Variants in AAK1 observed in about 807,000 individuals in gnomAD.
AAK1 encodes AP2-associated protein kinase 1.
Under a neutral mutation model 116.0 loss-of-function variants are expected in AAK1, and 37 were observed. The observed-to-expected ratio is 0.32, with a 90% CI of 0.25 to 0.42. The LOEUF (loss-of-function observed/expected upper bound fraction) is 0.42. Ranked by LOEUF, AAK1 falls within the 10% of genes least tolerant of loss-of-function variation. AAK1 has a pLI of 1.00. For missense variants in AAK1, 919 were observed against 1,170.6 expected, an observed-to-expected ratio of 0.79 and a Z score of 3.14; for synonymous variants, 458 against 439.9, an observed-to-expected ratio of 1.04 and a Z score of -0.51.
chr2:69,632,978 A>G (rs1281525304), intron 2 of AAK1, among the ~76,000 whole-genome samples: 3 of 152,048 alleles, frequency 2.0e-5, no homozygotes, highest in African/African-American at 4.8e-5. Context: ...GCTCGCAGTG[A>G]GCCAAGATCA....
Position 69,468,399 on chromosome 2 carries a change from ACTC to A in AAK1, c.*7467_*7469del, listed in dbSNP as rs1023303168. On this transcript the variant is annotated 3_prime_UTR_variant, in exon 22 of 22. Transcript: ENST00000409085. The stretch of plus-strand genomic sequence containing the variant: ...TAAAGAAGGACAAGAGGGCCCTAAA[ACTC>A]CTTGAACCACCTTCCTCACATAGTA... The A allele has an allele frequency of 2.0e-6, 2 of 985,202 alleles. No homozygotes were observed. The highest frequency in any genetic ancestry group is 4.7e-5 in the South Asian group (1 of 21,276). The allele number at this position is 985,202 out of a possible 1,614,324, so 61.0% of individuals were successfully genotyped here. A position where few individuals can be genotyped will look rare whatever the true frequency, so the allele number is the denominator to read the frequency against.
At chr2:69,510,556 T>G (rs1378918929) in intron 13 of AAK1, among the ~76,000 whole-genome samples, 1 of 152,250 alleles carries the variant, frequency 6.6e-6, no homozygotes, top group African/African-American at 2.4e-5. Flanking sequence ...TTCCTTTGAG[T>G]ATACACCCAG....
chr2:69,558,550 C>T (rs893804636), intron 2 of AAK1, among the ~76,000 whole-genome samples: 30 of 152,144 alleles, frequency 2.0e-4, no homozygotes, highest in African/African-American at 7.2e-4. Flanking sequence ...AGCAGTTACA[C>T]TGGACGCTCA....
At chr2:69,642,478 C>T (rs1160580559) in intron 2 of AAK1, among the ~76,000 whole-genome samples, 2 of 151,906 alleles carry the variant, frequency 1.3e-5, no homozygotes, top group African/African-American at 4.8e-5. Flanking sequence ...AGGAGAAACC[C>T]CTCTCTTCTT....
intron 15 of AAK1, 27 bp from the exon 16 acceptor site, chr2:69,505,700 C>A: frequency 1.3e-6 from 2 of 1,584,274 alleles, no homozygotes; most frequent in South Asian, 2.2e-5. Flanking sequence ...CCACTCAGTT[C>A]ATTCTAGCAG....
intron 13 of AAK1, among the ~76,000 whole-genome samples, chr2:69,511,420 AG>A (rs1676391005): frequency 1.3e-5 from 2 of 152,236 alleles, no homozygotes; most frequent in African/African-American, 2.4e-5. Flanking sequence ...AGAGGTTAGA[AG>A]GGTAACAAAG....
intron 13 of AAK1, among the ~76,000 whole-genome samples, chr2:69,513,144 C>A (rs1049200083): frequency 2.0e-5 from 3 of 152,166 alleles, no homozygotes; most frequent in African/African-American, 7.2e-5. Flanking sequence ...ACTGTCTACT[C>A]CATGCCTGCA....
chr2:69,511,265 G>C (rs1485769359), intron 13 of AAK1, among the ~76,000 whole-genome samples: 1 of 152,214 alleles, frequency 6.6e-6, no homozygotes, highest in African/African-American at 2.4e-5. Flanking sequence ...CCTGGGTCAG[G>C]ATGCTTCTAG....
intron 2 of AAK1, among the ~76,000 whole-genome samples, chr2:69,587,026 C>A (rs1266361635): frequency 6.6e-6 from 1 of 152,072 alleles, no homozygotes; most frequent in Non-Finnish European, 1.5e-5. Flanking sequence ...TGCCTTTCTG[C>A]CCAAATCAGC....
chr2:69,528,023 G>A (rs1261934488), intron 8 of AAK1, among the ~76,000 whole-genome samples: 1 of 152,248 alleles, frequency 6.6e-6, no homozygotes, highest in Non-Finnish European at 1.5e-5. Context: ...CAGTGAGGGT[G>A]CAGCCTTGTG....
At chr2:69,637,736 G>C (rs1274364418) in intron 2 of AAK1, among the ~76,000 whole-genome samples, 1 of 152,126 alleles carries the variant, frequency 6.6e-6, no homozygotes, top group Non-Finnish European at 1.5e-5. Flanking sequence ...TTCAAATATT[G>C]CAAGTTAAAA....
chr2:69,546,744 T>C (rs1206373886), intron 3 of AAK1, among the ~76,000 whole-genome samples: 2 of 152,118 alleles, frequency 1.3e-5, no homozygotes, highest in Non-Finnish European at 2.9e-5. Flanking sequence ...AGGTGGGGCC[T>C]TTAGGAGGTG....
At chr2:69,559,313 A>G (rs1671534874) in intron 2 of AAK1, among the ~76,000 whole-genome samples, 1 of 150,030 alleles carries the variant, frequency 6.7e-6, no homozygotes, top group Non-Finnish European at 1.5e-5. Context: ...CTCTCTCCTC[A>G]ATTCTAAAAT....
intron 2 of AAK1, among the ~76,000 whole-genome samples, chr2:69,558,116 G>A (rs1002845754): frequency 1.3e-5 from 2 of 152,142 alleles, no homozygotes; most frequent in Admixed American, 6.5e-5. Context: ...GCTGAAGCAG[G>A]CAGATCGCTT....
intron 14 of AAK1, among the ~76,000 whole-genome samples, chr2:69,508,281 C>T (rs998058246): frequency 6.6e-6 from 1 of 152,120 alleles, no homozygotes; most frequent in Non-Finnish European, 1.5e-5. Flanking sequence ...ATTTAGGCTG[C>T]CTCTCATCTC....
chr2:69,555,211 A>C (rs148949749), intron 3 of AAK1, among the ~76,000 whole-genome samples: 1 of 152,254 alleles, frequency 6.6e-6, no homozygotes. Flanking sequence ...TACAGCAAGA[A>C]CAGGAATCTG....
chr2:69,642,770 G>A, intron 2 of AAK1, 108 bp downstream of exon 2: 2 of 1,448,382 alleles, frequency 1.4e-6, no homozygotes, highest in African/African-American at 1.4e-5. Flanking sequence ...GAAGGGGGAA[G>A]GGAGGGTCAA....
intron 2 of AAK1, among the ~76,000 whole-genome samples, chr2:69,609,136 C>T (rs780254704): frequency 1.3e-5 from 2 of 152,050 alleles, no homozygotes; most frequent in Non-Finnish European, 2.9e-5. Flanking sequence ...CCAAGGCAGG[C>T]GGATCACTTG....
rs1016646488 is a variant in AAK1, at chr2:69,469,779, T to C, written c.*6090A>G. 1.1e-5 allele frequency: 11 copies of C among 985,292 alleles called. No individual in the cohort carries two copies. The African/African-American group carries it at 1.7e-4, about 16-fold the overall frequency. 61.0% of individuals were successfully genotyped at this position (985,292 alleles called of 1,614,324 possible). On this transcript the variant is annotated 3_prime_UTR_variant, in exon 22 of 22. Transcript: ENST00000409085. ...TTCACACATAAAATTAAGCAAGAAG[T>C]CAAAACATACTTCTTTTTCTTGCTC...
Sources: gnomAD v4.1 joint callset for allele counts (sites outside exome capture counted in the v4.1 genomes callset) on GRCh38, gnomAD v4.1.1 for gene constraint, MANE v1.5 for transcripts, NCBI Gene and HGNC (gene_info 2026-07-23, HGNC 2026-07-21) for gene names.